The following PRSS12 variants were observed in gnomAD, a reference collection of about 807,000 sequenced individuals.
The protein encoded by PRSS12 is neurotrypsin.
PRSS12 carries 85 observed loss-of-function variants against 104.4 expected under a neutral mutation model. The ratio of observed to expected loss-of-function variants is 0.81; its 90% confidence interval spans 0.68 to 0.98. PRSS12 has a LOEUF of 0.98. Among genes scored for constraint, PRSS12 ranks in the 50% least tolerant of loss-of-function variants. PRSS12 has a pLI of 0.00. For missense variants in PRSS12, 1,141 were observed against 1,139.2 expected, an observed-to-expected ratio of 1.00 and a Z score of -0.02; for synonymous variants, 454 against 425.2, an observed-to-expected ratio of 1.07 and a Z score of -0.83.
In PRSS12 at chr4:118,282,919, G is replaced by A. The variant is rs1169822270; in HGVS notation, c.2232C>T (p.Ser744=). 6.2e-7 allele frequency: 1 copy of A among 1,614,034 alleles called. No individual in the cohort carries two copies. Among genetic ancestry groups the A allele is most frequent in the Non-Finnish European group, 8.5e-7 (1 of 1,180,038 alleles). The stretch of plus-strand genomic sequence containing the variant: ...GTGGTAAACAGGCTGGCAAAACATG[G>A]CTGCTGAATCTGGCACATTGCTCTT... ...GPEEQCARFS[S]HVLPACLPLW... Residue 744 remains serine, a synonymous_variant, in exon 12 of 13, where the codon AGC becomes AGT. Transcript: ENST00000296498.
At chr4:118,341,174 G>T (rs1226212915) in intron 1 of PRSS12, among the ~76,000 whole-genome samples, 4 of 152,134 alleles carry the variant, frequency 2.6e-5, no homozygotes, top group Admixed American at 2.6e-4. Context: ...AGCCTCAGGG[G>T]AAAATGAAGG....
In PRSS12 at chr4:118,352,332, A is replaced by T. The variant is rs765352503; in HGVS notation, c.389T>A (p.Leu130Gln). The change falls in exon 1 of 13, where the codon CTG becomes CAG. Residue 130 changes from leucine to glutamine, a missense_variant. Coordinates refer to ENST00000296498, the MANE Select transcript of PRSS12 (RefSeq NM_003619.4). ...ACAAAAGTTGTGGCGCTGTCCTCGC[A>T]GCTGAGCCCAGCTCGCTGGGGGCGA... ...ERSPPASWAQ[L>Q]RGQRHNFCRS... 6.3e-7 allele frequency: 1 copy of T among 1,584,910 alleles called. No individual in the cohort carries two copies. Among genetic ancestry groups the T allele is most frequent in the Non-Finnish European group, 8.5e-7 (1 of 1,170,168 alleles).
intron 4 of PRSS12, among the ~76,000 whole-genome samples, chr4:118,330,820 A>G (rs1723898869): frequency 6.6e-6 from 1 of 152,196 alleles, no homozygotes; most frequent in African/African-American, 2.4e-5. Context: ...TACTTCAAAT[A>G]TAACATAGAA....
intron 8 of PRSS12, 27 bp from the exon 9 acceptor site, chr4:118,298,965 T>C (rs1743323637): frequency 1.2e-6 from 2 of 1,609,314 alleles, no homozygotes; most frequent in South Asian, 1.1e-5. Flanking sequence ...CTTAATCATG[T>C]GAAGAATCAG....
intron 4 of PRSS12, among the ~76,000 whole-genome samples, chr4:118,326,438 A>C (rs1723773239): frequency 6.6e-6 from 1 of 152,192 alleles, no homozygotes; most frequent in South Asian, 2.1e-4. Context: ...AGAGGCTCAA[A>C]AGTTAAATAA....
intron 8 of PRSS12, among the ~76,000 whole-genome samples, chr4:118,306,805 T>A (rs1443006010): frequency 6.6e-6 from 1 of 152,136 alleles, no homozygotes; most frequent in Admixed American, 6.5e-5. Context: ...CACGACTACA[T>A]GTGTGTTGAT....
At chr4:118,283,250 C>G in intron 11 of PRSS12, 139 bp from the exon 12 acceptor site, 2 of 1,046,674 alleles carry the variant, frequency 1.9e-6, no homozygotes, top group Middle Eastern at 2.9e-4. Flanking sequence ...TTCCATTTAT[C>G]TGACCCACCA....
intron 8 of PRSS12, among the ~76,000 whole-genome samples, chr4:118,307,903 A>C (rs1306652163): frequency 1.3e-5 from 2 of 152,190 alleles, no homozygotes; most frequent in Non-Finnish European, 2.9e-5. Context: ...AAATGCAAAA[A>C]AAAAAAAATT....
chr4:118,352,863 C>G lies in PRSS12; in HGVS notation c.-143G>C. 2.1e-6 allele frequency: 3 copies of G among 1,445,998 alleles called. No homozygotes were observed. Among genetic ancestry groups the G allele is most frequent in the South Asian group, 2.8e-5 (2 of 71,578 alleles). The allele number at this position is 1,445,998 out of a possible 1,614,324, so 89.6% of individuals were successfully genotyped here. On this transcript the variant is annotated 5_prime_UTR_variant, in exon 1 of 13. Coordinates refer to ENST00000296498, the MANE Select transcript of PRSS12 (RefSeq NM_003619.4). The stretch of plus-strand genomic sequence containing the variant: ...CCCCGCACGCGGACCGCCCTCGCCT[C>G]CCCAACCTTGCCTCCCGCCGCTGGT...
intron 11 of PRSS12, among the ~76,000 whole-genome samples, chr4:118,285,448 C>T (rs1742991732): frequency 6.6e-6 from 1 of 152,118 alleles, no homozygotes; most frequent in African/African-American, 2.4e-5. Context: ...TGATTTAACA[C>T]TTTTCCCACA....
At chr4:118,291,641 C>T (rs1743130439) in intron 11 of PRSS12, among the ~76,000 whole-genome samples, 1 of 152,060 alleles carries the variant, frequency 6.6e-6, no homozygotes, top group South Asian at 2.1e-4. Context: ...GTGTGGCACA[C>T]AGAACTGAGC....
In PRSS12 at chr4:118,283,030, A is replaced by G; in HGVS notation, c.2121T>C (p.Ile707=). ...GATGAATCACAATCTGTTGAACTCC[A>G]ATTTCTTCCTCAAACTCCTCTGGTA... The part of the protein sequence containing the change: ...TLVPEEFEEE[I]GVQQIVIHRE... The change falls in exon 12 of 13, where the codon ATT becomes ATC. Residue 707 remains isoleucine (I), a synonymous_variant. Transcript: ENST00000296498. The G allele has an allele frequency of 6.2e-7, 1 of 1,614,124 alleles. No individual in the cohort carries two copies. The highest frequency in any genetic ancestry group is 8.5e-7 in the Non-Finnish European group (1 of 1,180,028).
intron 7 of PRSS12, among the ~76,000 whole-genome samples, chr4:118,309,529 T>A (rs1379256003): frequency 6.6e-6 from 1 of 152,084 alleles, no homozygotes; most frequent in East Asian, 1.9e-4. Flanking sequence ...GAACCAACCC[T>A]ACTGACATTT....
intron 4 of PRSS12, among the ~76,000 whole-genome samples, chr4:118,325,192 C>T (rs1381590911): frequency 1.3e-5 from 2 of 151,848 alleles, no homozygotes; most frequent in Non-Finnish European, 2.9e-5. Flanking sequence ...AAATATTGAA[C>T]ACACATGGAC....
chr4:118,310,755 A>T (rs1743689407), intron 7 of PRSS12, among the ~76,000 whole-genome samples: 1 of 152,178 alleles, frequency 6.6e-6, no homozygotes, highest in African/African-American at 2.4e-5. Flanking sequence ...ATACACAGCA[A>T]AAGCCTAATT....
intron 4 of PRSS12, among the ~76,000 whole-genome samples, chr4:118,322,214 A>G (rs182563400): frequency 3.1e-3 from 479 of 152,270 alleles, no homozygotes; most frequent in African/African-American, 0.011. Flanking sequence ...GATTACTTAT[A>G]GTAGAAAAAA....
intron 1 of PRSS12, among the ~76,000 whole-genome samples, chr4:118,343,927 TCA>T (rs1020121440): frequency 2.0e-5 from 3 of 152,182 alleles, no homozygotes; most frequent in Non-Finnish European, 2.9e-5. Flanking sequence ...TTTTAAAAAA[TCA>T]CAGTTTGATA....
intron 1 of PRSS12, among the ~76,000 whole-genome samples, chr4:118,350,977 C>A (rs1724483967): frequency 6.6e-6 from 1 of 152,140 alleles, no homozygotes; most frequent in South Asian, 2.1e-4. Flanking sequence ...CGAGACAATG[C>A]TAGCACTCTT....
intron 3 of PRSS12, among the ~76,000 whole-genome samples, 182 bp downstream of exon 3, chr4:118,335,291 T>C (rs1202308060): frequency 6.6e-6 from 1 of 152,106 alleles, no homozygotes; most frequent in Non-Finnish European, 1.5e-5. Context: ...GAAAATCAAA[T>C]GGAATTCAAA....
Sources: gnomAD v4.1 joint callset for allele counts (sites outside exome capture counted in the v4.1 genomes callset) on GRCh38, gnomAD v4.1.1 for gene constraint, MANE v1.5 for transcripts, NCBI Gene and HGNC (gene_info 2026-07-23, HGNC 2026-07-21) for gene names.